CCDC200: variants seen among roughly 807,000 people sequenced by gnomAD.
The protein encoded by CCDC200 is coiled-coil domain containing 200.
intron 3 of CCDC200, among the ~76,000 whole-genome samples, chr17:43,222,625 C>T (rs1043666282): frequency 2.7e-5 from 4 of 149,086 alleles, no homozygotes; most frequent in South Asian, 4.2e-4. Flanking sequence ...GGGTCTCACT[C>T]TGTTGCACAG....
chr17:43,225,436 G>A (rs2057560214), intron 1 of CCDC200, among the ~76,000 whole-genome samples: 2 of 150,654 alleles, frequency 1.3e-5, no homozygotes, highest in East Asian at 2.0e-4. Context: ...AAGCCGAGGC[G>A]GGCGGATCAC....
intron 1 of CCDC200, among the ~76,000 whole-genome samples, chr17:43,225,574 A>G: frequency 7.2e-6 from 1 of 139,536 alleles, no homozygotes; most frequent in Non-Finnish European, 1.6e-5. Context: ...GAGGCAGGAG[A>G]ATTGCTTAAA....
chr17:43,227,281 G>A (rs2057576025), intron 1 of CCDC200, among the ~76,000 whole-genome samples: 1 of 150,708 alleles, frequency 6.6e-6, no homozygotes, highest in Non-Finnish European at 1.5e-5. Flanking sequence ...GCCCGGCTGG[G>A]AGCAAGACTG....
intron 1 of CCDC200, among the ~76,000 whole-genome samples, chr17:43,225,414 C>T (rs1047686131): frequency 1.3e-5 from 2 of 151,182 alleles, no homozygotes; most frequent in Non-Finnish European, 2.9e-5. Context: ...CCTGTCATCC[C>T]AGCACTTTGG....
chr17:43,227,595 A>C (rs1433292895), intron 1 of CCDC200, among the ~76,000 whole-genome samples: 1 of 151,722 alleles, frequency 6.6e-6, no homozygotes, highest in African/African-American at 2.4e-5. Context: ...AGTGATTCTC[A>C]TGCCTCAGTC....
At chr17:43,227,404 T>C (rs2057577078) in intron 1 of CCDC200, among the ~76,000 whole-genome samples, 2 of 152,224 alleles carry the variant, frequency 1.3e-5, no homozygotes, top group Admixed American at 1.3e-4. Flanking sequence ...GGTGGGAGGA[T>C]TGCTTGAGTC....
intron 3 of CCDC200, among the ~76,000 whole-genome samples, chr17:43,222,671 G>C (rs533297858): frequency 1.3e-5 from 2 of 150,366 alleles, no homozygotes; most frequent in African/African-American, 4.9e-5. Context: ...ACTTACGGCA[G>C]CCTCAACCTC....
intron 1 of CCDC200, among the ~76,000 whole-genome samples, chr17:43,227,687 T>C (rs1408942485): frequency 5.9e-5 from 9 of 151,458 alleles, no homozygotes; most frequent in Non-Finnish European, 1.0e-4. Flanking sequence ...GGTTTCGCCA[T>C]GTTGGCCAGG....
upstream of CCDC200, among the ~76,000 whole-genome samples, chr17:43,230,719 G>A (rs1441276020): frequency 1.7e-5 from 1 of 58,456 alleles, no homozygotes; most frequent in African/African-American, 4.0e-5. Flanking sequence ...GGTGGCTCAT[G>A]CCTGTAATCC....
At chr17:43,225,116 C>T (rs1026213448) in intron 1 of CCDC200, among the ~76,000 whole-genome samples, 1 of 151,928 alleles carries the variant, frequency 6.6e-6, no homozygotes, top group Non-Finnish European at 1.5e-5. Context: ...TCACTGCTGC[C>T]CCAACCTCCC....
chr17:43,226,603 A>G (rs1403043117), intron 1 of CCDC200, among the ~76,000 whole-genome samples: 1 of 152,036 alleles, frequency 6.6e-6, no homozygotes, highest in Non-Finnish European at 1.5e-5. Context: ...CCATGATACC[A>G]GGCTGGTCTG....
rs71361512 is a variant in CCDC200, at chr17:43,223,484, ACTCT to A, written c.480+68_480+71del. 8.8e-4 allele frequency: 125 copies of A among 141,924 alleles called. 2 individuals are homozygous for A. Among genetic ancestry groups the A allele is most frequent in the African/African-American group, 1.3e-3 (49 of 38,382 alleles). The allele number at this position is 141,924 out of a possible 1,614,324, so 8.8% of individuals were successfully genotyped here. ...TACACACACACACACACACACTCAC[ACTCT>A]CTCTCTCTCTCTCTCTTTCTTTCTG... On this transcript the variant is annotated intron_variant, in intron 3 of 3. Coordinates refer to ENST00000636331, the MANE Select transcript of CCDC200 (RefSeq NM_001363254.2).
At chr17:43,222,236 G>A (rs747334427) in intron 3 of CCDC200, among the ~76,000 whole-genome samples, 1 of 149,612 alleles carries the variant, frequency 6.7e-6, no homozygotes, top group African/African-American at 2.5e-5. Context: ...TGTCATCCTG[G>A]CTCACTGCAA....
intron 1 of CCDC200, among the ~76,000 whole-genome samples, chr17:43,226,940 A>G (rs940170955): frequency 6.6e-6 from 1 of 152,118 alleles, no homozygotes; most frequent in African/African-American, 2.4e-5. Context: ...AAATTTTTCC[A>G]GTATGTATGT....
Position 43,224,481 on chromosome 17 carries a change from A to G in CCDC200, c.174T>C (p.Asn58=), listed in dbSNP as rs1249934196. The G allele has an allele frequency of 1.3e-5, 2 of 154,108 alleles. No homozygotes were observed. Among genetic ancestry groups the G allele is most frequent in the African/African-American group, 4.8e-5 (2 of 41,448 alleles). The allele number at this position is 154,108 out of a possible 1,614,324, so 9.5% of individuals were successfully genotyped here. ...EEKLQPHKKL[N]VPQPPVAKLW... ...ATTTCGCCACTGGTGGTTGCGGCAC[A>G]TTTAACTTCTTATGTGGCTGGAGTT... The change falls in exon 2 of 4, where the codon AAT becomes AAC. Residue 58 remains asparagine (N), a synonymous_variant. Transcript: ENST00000636331.
At chr17:43,227,661 C>A (rs750190425) in intron 1 of CCDC200, among the ~76,000 whole-genome samples, 10 of 150,678 alleles carry the variant, frequency 6.6e-5, no homozygotes, top group Admixed American at 6.6e-4. Flanking sequence ...ACTTTTTGTA[C>A]TTTTAGTAGA....
intron 1 of CCDC200, among the ~76,000 whole-genome samples, chr17:43,225,538 C>T (rs2057560863): frequency 6.9e-6 from 1 of 145,980 alleles, no homozygotes; most frequent in African/African-American, 2.5e-5. Context: ...TGGCAGGCAC[C>T]TGTAATCCCA....
intron 1 of CCDC200, among the ~76,000 whole-genome samples, chr17:43,226,002 G>A (rs1281637598): frequency 6.6e-6 from 1 of 151,972 alleles, no homozygotes; most frequent in African/African-American, 2.4e-5. Flanking sequence ...AAAGTGCTGG[G>A]ATGACAGGCG....
At chr17:43,230,698 A>AAAAC (rs2057593149), upstream of CCDC200, among the ~76,000 whole-genome samples, 1 of 33,680 alleles carries the variant, frequency 3.0e-5, no homozygotes, top group African/African-American at 5.7e-5. Flanking sequence ...AAAAAAAAAA[A>AAAAC]GCATGGGCGC....
Sources: allele counts gnomAD v4.1 joint callset (sites outside exome capture counted in the v4.1 genomes callset), GRCh38; gene constraint gnomAD v4.1.1; transcripts MANE v1.5; gene names NCBI Gene and HGNC (gene_info 2026-07-23, HGNC 2026-07-21).